Variants in PIGU observed in about 807,000 individuals in gnomAD.
The protein encoded by PIGU is phosphatidylinositol glycan anchor biosynthesis class U.
PIGU carries 24 observed loss-of-function variants against 49.9 expected under a neutral mutation model. The ratio of observed to expected loss-of-function variants is 0.48; its 90% CI spans 0.35 to 0.68. The LOEUF (loss-of-function observed/expected upper bound fraction) is 0.68. PIGU is among the 30% of genes least tolerant of loss of function. The pLI, the probability that PIGU is intolerant of heterozygous loss-of-function variation, is 0.01. For synonymous variants in PIGU, 220 were observed against 205.7 expected, an observed-to-expected ratio of 1.07 and a Z score of -0.59; for missense variants, 490 against 532.6, an observed-to-expected ratio of 0.92 and a Z score of 0.79.
intron 11 of PIGU, among the ~76,000 whole-genome samples, chr20:34,565,717 A>ACC (rs1982720970): frequency 6.6e-6 from 1 of 151,462 alleles, no homozygotes; most frequent in African/African-American, 2.4e-5. Flanking sequence ...GGACACACAC[A>ACC]CACACACACA....
intron 7 of PIGU, among the ~76,000 whole-genome samples, chr20:34,601,998 TG>T (rs1984441981): frequency 6.6e-6 from 1 of 152,228 alleles, no homozygotes; most frequent in Admixed American, 6.5e-5. Flanking sequence ...AATGTATGTA[TG>T]GGCTGGGTAT....
intron 1 of PIGU, among the ~76,000 whole-genome samples, chr20:34,664,325 A>T (rs904152208): frequency 5.3e-5 from 8 of 151,986 alleles, no homozygotes; most frequent in Admixed American, 1.3e-4. Flanking sequence ...TAATTTTTAA[A>T]TTTTTTTTGT....
At chr20:34,652,681 T>C (rs1386181680) in intron 2 of PIGU, among the ~76,000 whole-genome samples, 6 of 152,198 alleles carry the variant, frequency 3.9e-5, no homozygotes, top group Admixed American at 6.5e-5. Context: ...TTCAAAATAC[T>C]TTCTAATTTC....
intron 5 of PIGU, among the ~76,000 whole-genome samples, chr20:34,635,982 C>T (rs1600648120): frequency 1.3e-5 from 2 of 150,718 alleles, no homozygotes; most frequent in African/African-American, 2.4e-5. Context: ...CACTTGAGCT[C>T]GAGTTCGAGA....
At chr20:34,636,473 G>A (rs1257798075) in intron 5 of PIGU, among the ~76,000 whole-genome samples, 1 of 152,044 alleles carries the variant, frequency 6.6e-6, no homozygotes, top group African/African-American at 2.4e-5. Context: ...GAACCCAGGA[G>A]GTAGAGGTTG....
At chr20:34,596,158 A>G (rs570253545) in intron 7 of PIGU, among the ~76,000 whole-genome samples, 7 of 152,368 alleles carry the variant, frequency 4.6e-5, no homozygotes, top group Admixed American at 1.3e-4. Flanking sequence ...GGTACAGTGC[A>G]CTGAGGACAC....
intron 11 of PIGU, among the ~76,000 whole-genome samples, chr20:34,563,022 A>G (rs1982592466): frequency 6.6e-6 from 1 of 152,210 alleles, no homozygotes; most frequent in Non-Finnish European, 1.5e-5. Context: ...TCATCTGGAC[A>G]AGAAGCAGGA....
intron 9 of PIGU, among the ~76,000 whole-genome samples, chr20:34,583,092 C>T (rs1001359955): frequency 6.6e-6 from 1 of 152,252 alleles, no homozygotes; most frequent in Non-Finnish European, 1.5e-5. Flanking sequence ...GGGTATGAAT[C>T]TGAGATGTGC....
At chr20:34,631,249 C>T (rs1985696325) in intron 6 of PIGU, among the ~76,000 whole-genome samples, 1 of 151,626 alleles carries the variant, frequency 6.6e-6, no homozygotes, top group Admixed American at 6.6e-5. Flanking sequence ...AAGGAAATGT[C>T]CCAGAAAAAG....
rs375123005 is a variant in PIGU, at chr20:34,581,523, C to A, written c.1051+25G>T. 5.6e-6 allele frequency: 9 copies of A among 1,612,460 alleles called. No individual in the cohort carries two copies. In the African/African-American group the frequency reaches 1.2e-4, roughly 22 times the overall value. On this transcript the variant is annotated intron_variant, in intron 10 of 11. Transcript: ENST00000217446. ...CATCCAGGCCCAGGCTGACACAAAT[C>A]TGTGGCAGAGGCGGGAGTACTCACA... is the stretch of plus-strand genomic sequence containing the variant.
intron 11 of PIGU, among the ~76,000 whole-genome samples, chr20:34,565,713 A>ACG (rs1323671399): frequency 6.6e-6 from 1 of 150,468 alleles, no homozygotes; most frequent in Non-Finnish European, 1.5e-5. Context: ...CTCTGGACAC[A>ACG]CACACACACA....
chr20:34,617,782 TCACCC>T (rs1235448902), intron 6 of PIGU, among the ~76,000 whole-genome samples: 1 of 149,992 alleles, frequency 6.7e-6, no homozygotes, highest in African/African-American at 2.5e-5. Flanking sequence ...GGCTGTGTCC[TCACCC>T]AAATCTCAAC....
intron 1 of PIGU, among the ~76,000 whole-genome samples, chr20:34,668,146 C>T (rs555223008): frequency 1.3e-3 from 201 of 152,116 alleles, no homozygotes; most frequent in Admixed American, 2.4e-3. Flanking sequence ...CACAGATAAA[C>T]GACTAAGGAG....
rs186330217 is a variant in PIGU, at chr20:34,568,509, G to A, written c.1194+6595C>T. On this transcript the variant is annotated intron_variant, in intron 11 of 11. Coordinates refer to ENST00000217446, the MANE Select transcript of PIGU (RefSeq NM_080476.5). ...TGCACAGCCCAGGCCACACACAACC[G>A]GCAGGAAGAAACCTGAAATGGGTCT... Among the ~76,000 whole-genome samples the A allele has an allele frequency of 9.9e-5, 15 of 152,214 alleles. No homozygotes were observed. The East Asian group carries it at 2.1e-3, about 22-fold the overall frequency.
chr20:34,642,470 T>C (rs1986195242), intron 4 of PIGU, among the ~76,000 whole-genome samples: 1 of 150,538 alleles, frequency 6.6e-6, no homozygotes, highest in Non-Finnish European at 1.5e-5. Context: ...GTGTGAGAGG[T>C]TTTTTGATGA....
intron 8 of PIGU, among the ~76,000 whole-genome samples, chr20:34,587,331 T>C (rs371691724): frequency 6.6e-6 from 1 of 152,324 alleles, no homozygotes; most frequent in East Asian, 1.9e-4. Flanking sequence ...GAAAACCAAA[T>C]TAGCTTCCAG....
At chr20:34,665,978 G>A (rs1201503481) in intron 1 of PIGU, among the ~76,000 whole-genome samples, 1 of 152,114 alleles carries the variant, frequency 6.6e-6, no homozygotes, top group East Asian at 1.9e-4. Flanking sequence ...CTGAGGTCAG[G>A]AGTTCAAGAC....
chr20:34,666,856 C>T (rs1414916905), intron 1 of PIGU, among the ~76,000 whole-genome samples: 1 of 151,954 alleles, frequency 6.6e-6, no homozygotes, highest in Non-Finnish European at 1.5e-5. Context: ...GCCACCACGC[C>T]AGGCTAATTT....
chr20:34,579,212 C>T (rs1030931007), intron 10 of PIGU: 1 of 152,180 alleles, frequency 6.6e-6, no homozygotes, highest in Non-Finnish European at 1.5e-5. Flanking sequence ...CAAACACACA[C>T]ACAAATCCAG....
Sources: allele counts gnomAD v4.1 joint callset (sites outside exome capture counted in the v4.1 genomes callset), GRCh38; gene constraint gnomAD v4.1.1; transcripts MANE v1.5; gene names NCBI Gene and HGNC (gene_info 2026-07-23, HGNC 2026-07-21).